Variants in TMC2 observed in about 807,000 individuals in gnomAD.
The protein encoded by TMC2 is transmembrane channel like 2.
Under a neutral mutation model 105.9 loss-of-function variants are expected in TMC2, and 102 were observed. That is an observed-to-expected ratio of 0.96 (90% CI 0.82 to 1.14). The LOEUF is 1.14. TMC2 is among the 50% of genes most tolerant of loss of function. TMC2 has a pLI of 0.00. For missense variants in TMC2, 1,093 were observed against 1,134.3 expected (o/e 0.96, Z 0.52); for synonymous variants, 402 against 422.8 (o/e 0.95, Z 0.60).
At chr20:2,537,939 G>A (rs769654196) in intron 2 of TMC2, among the ~76,000 whole-genome samples, 5 of 152,142 alleles carry the variant, frequency 3.3e-5, no homozygotes, top group East Asian at 1.9e-4. Context: ...CCCCCTTCAC[G>A]TCCCAGGCAG....
chr20:2,574,702 T>G (rs923220093), intron 5 of TMC2, among the ~76,000 whole-genome samples: 2 of 152,148 alleles, frequency 1.3e-5, no homozygotes, highest in Admixed American at 6.5e-5. Flanking sequence ...TGTAATTACT[T>G]TTTATATCTG....
At chr20:2,588,649 CCTT>C (rs1204617638) in intron 7 of TMC2, among the ~76,000 whole-genome samples, 1 of 149,584 alleles carries the variant, frequency 6.7e-6, no homozygotes, top group African/African-American at 2.5e-5. Context: ...TCTTCTCTCT[CCTT>C]CTGGGACTAC....
At chr20:2,538,394 TGAA>T (rs1410200906) in intron 2 of TMC2, among the ~76,000 whole-genome samples, 1 of 152,146 alleles carries the variant, frequency 6.6e-6, no homozygotes, top group African/African-American at 2.4e-5. Context: ...AATCCAAAGA[TGAA>T]GGAGCAAATG....
At position 2,543,046 on chromosome 20, in the gene TMC2, G is replaced by A. The variant is rs191493526; in HGVS notation, c.82+5730G>A. Among the ~76,000 whole-genome samples, 172 of 152,072 alleles carry A rather than the reference G, an allele frequency of 1.1e-3. 1 individual carries two copies. Among genetic ancestry groups the A allele is most frequent in the Middle Eastern group, 6.8e-3 (2 of 294 alleles). On this transcript the variant is annotated intron_variant, in intron 2 of 19. Transcript: ENST00000358864. ...GAGGTCAGGAGTTTGAGACCAGCCT[G>A]GCCAACATGGTGAAACCCTGTCTCT...
intron 4 of TMC2, among the ~76,000 whole-genome samples, chr20:2,570,675 T>G (rs974913980): frequency 5.9e-5 from 9 of 152,084 alleles, no homozygotes; most frequent in Admixed American, 1.3e-4. Flanking sequence ...GAACCAAAAA[T>G]GAGCCCAAAC....
At chr20:2,557,633 C>A (rs906553609) in intron 2 of TMC2, among the ~76,000 whole-genome samples, 1 of 152,174 alleles carries the variant, frequency 6.6e-6, no homozygotes, top group African/African-American at 2.4e-5. Flanking sequence ...CGGGTTCAAG[C>A]GATTCTCTTG....
chr20:2,637,965 G>GT lies in TMC2; in HGVS notation c.2503+375dup, dbSNP rs547602963. 7.2e-4 allele frequency among the ~76,000 whole-genome samples: 110 copies of GT among 152,304 alleles called. 1 individual carries two copies. The Middle Eastern group carries it at 0.017, about 24-fold the overall frequency. On this transcript the variant is annotated intron_variant, in intron 19 of 19. Transcript: ENST00000358864. ...TGAATAATTCCTATTGCCAAGTGAC[G>GT]TAACTGTCAACATTGTAGCAAAACA...
intron 7 of TMC2, among the ~76,000 whole-genome samples, chr20:2,580,811 A>T (rs904621075): frequency 2.0e-5 from 3 of 152,220 alleles, no homozygotes; most frequent in Admixed American, 6.5e-5. Context: ...TTGAGAAACA[A>T]AAAAGGGGTA....
chr20:2,550,630 A>G (rs765613737), intron 2 of TMC2, among the ~76,000 whole-genome samples: 3 of 152,124 alleles, frequency 2.0e-5, no homozygotes, highest in Non-Finnish European at 4.4e-5. Flanking sequence ...TGGCCCACCT[A>G]TTCAACCCTC....
chr20:2,607,791 C>A (rs1352271331), intron 11 of TMC2, among the ~76,000 whole-genome samples: 2 of 152,086 alleles, frequency 1.3e-5, no homozygotes, highest in African/African-American at 4.8e-5. Flanking sequence ...TATTTAATTG[C>A]TTTATCCAGT....
chr20:2,617,191 A>G lies in TMC2; in HGVS notation c.2060A>G (p.Lys687Arg). ...SSNVPHERVF[K>R]ASRSNNFYMG... Reference sequence around the variant, plus strand: ...AACGTACCCCATGAACGCGTGTTCAAAGCCTCCCGATCCAACAACTTCTAC... The same window carrying G: ...AACGTACCCCATGAACGCGTGTTCAGAGCCTCCCGATCCAACAACTTCTAC... The change falls in exon 16 of 20, where the codon AAA (lysine) becomes AGA (arginine). Residue 687 changes from lysine (K) to arginine (R), a missense_variant. Physicochemically the swap from Lys to Arg is conservative, Grantham distance 26. Transcript: ENST00000358864. 6.2e-7 allele frequency: 1 copy of G among 1,614,170 alleles called. No individual in the cohort carries two copies. Among genetic ancestry groups the G allele is most frequent in the Non-Finnish European group, 8.5e-7 (1 of 1,180,028 alleles).
intron 4 of TMC2, among the ~76,000 whole-genome samples, chr20:2,565,637 G>A (rs575528983): frequency 6.6e-6 from 1 of 152,290 alleles, no homozygotes; most frequent in African/African-American, 2.4e-5. Flanking sequence ...GTTGCAGACG[G>A]CATCCCCATA....
Position 2,592,406 on chromosome 20 carries a change from G to T in TMC2, c.931G>T (p.Glu311Ter). The change falls in exon 8 of 20, where the codon GAG becomes TAG. Residue 311 changes from glutamate (E) to a stop codon, truncating the protein, a stop_gained and splice_region_variant. Coordinates refer to ENST00000358864, the MANE Select transcript of TMC2 (RefSeq NM_080751.3). LOFTEE classifies it high-confidence loss of function. This position sits in a 1 kb window ranked among gnomAD's most constrained non-coding sequence, Gnocchi z 4.9. ...GGATTTTTCTGTCCTTTGGGATTTT[G>T]AGGTACTATTGTCAACATGCCAATG... ...AMDFSVLWDF[E>*]GYIKYSALFY... 6.2e-7 allele frequency: 1 copy of T among 1,607,144 alleles called. No homozygotes were observed. Among genetic ancestry groups the T allele is most frequent in the Non-Finnish European group, 8.5e-7 (1 of 1,173,712 alleles).
At chr20:2,615,751 A>T (rs1277488228) in intron 14 of TMC2, among the ~76,000 whole-genome samples, 1 of 152,104 alleles carries the variant, frequency 6.6e-6, no homozygotes. Flanking sequence ...GCATTTCATT[A>T]TTTATTAGAT....
chr20:2,610,348 TG>T lies in TMC2; in HGVS notation c.1414-68del, dbSNP rs918734572. ...GCAGAGAAGTGGAGATGGATGGCCA[TG>T]GGAGTGCAGAGATGGCAGCCAAACA... On this transcript the variant is annotated intron_variant, in intron 11 of 19. Transcript: ENST00000358864. The T allele has an allele frequency of 2.7e-5, 38 of 1,393,852 alleles. No homozygotes were observed. In the Admixed American group the frequency reaches 7.2e-4, roughly 26 times the overall value. The allele number at this position is 1,393,852 out of a possible 1,614,324, so 86.3% of individuals were successfully genotyped here.
chr20:2,542,349 CGT>C (rs2085895534), intron 2 of TMC2, among the ~76,000 whole-genome samples: 1 of 152,084 alleles, frequency 6.6e-6, no homozygotes, highest in Non-Finnish European at 1.5e-5. Context: ...GACTAGGAAA[CGT>C]GTGGTAAATA....
Position 2,641,263 on chromosome 20 carries a change from G to A in TMC2, c.2633G>A (p.Gly878Glu), listed in dbSNP as rs2086687019. Residue 878 changes from glycine to glutamate, a missense_variant, in exon 20 of 20, where the codon GGA (glycine) becomes GAA (glutamate). Gly to Glu is a moderately conservative substitution (Grantham distance 98). Transcript: ENST00000358864. ...SGHLPISRPP[G>E]IGPDSGHAPS... Reference sequence around the variant, plus strand: ...CACCTTCCTATATCTCGGCCCCCTGGAATCGGACCAGATTCTGGCCACGCC... The same window carrying A: ...CACCTTCCTATATCTCGGCCCCCTGAAATCGGACCAGATTCTGGCCACGCC... 1 of 1,614,116 alleles carries A rather than the reference G, an allele frequency of 6.2e-7. No homozygotes were observed. Among genetic ancestry groups the A allele is most frequent in the East Asian group, 2.2e-5 (1 of 44,872 alleles).
Position 2,642,020 on chromosome 20 carries a change from G to A in TMC2, c.*669G>A, listed in dbSNP as rs1426988528. 6.6e-6 allele frequency among the ~76,000 whole-genome samples: 1 copy of A among 152,166 alleles called. No individual in the cohort carries two copies. The highest frequency in any genetic ancestry group is 1.5e-5 in the Non-Finnish European group (1 of 68,040). ...GGATCACTTGAGCCCAGGAGGCAGA[G>A]GTTGCAGTTAGCTAAGATCACGTCA... On this transcript the variant is annotated 3_prime_UTR_variant, in exon 20 of 20. Transcript: ENST00000358864.
Position 2,617,116 on chromosome 20 carries a change from T to G in TMC2, c.1985T>G (p.Leu662Arg), listed in dbSNP as rs1468337730. The stretch of plus-strand genomic sequence containing the variant: ...CCAGGCCTGGTGGGCATTAATGTGC[T>G]GCGCCTGCTGACCTCCATGTACTTC... ...YAPGLVGINV[L>R]RLLTSMYFQC... The change falls in exon 16 of 20, where the codon CTG (leucine) becomes CGG (arginine). Residue 662 changes from leucine to arginine, a missense_variant. By Grantham distance (102) the Leu-to-Arg change is moderately radical. Transcript: ENST00000358864. 5 of 1,614,130 alleles carry G rather than the reference T, an allele frequency of 3.1e-6. No homozygotes were observed. The highest frequency in any genetic ancestry group is 4.2e-6 in the Non-Finnish European group (5 of 1,180,042).
Sources: allele counts gnomAD v4.1 joint callset (sites outside exome capture counted in the v4.1 genomes callset), GRCh38; gene constraint gnomAD v4.1.1; non-coding constraint Gnocchi (gnomAD v3.1); transcripts MANE v1.5; gene names NCBI Gene and HGNC (gene_info 2026-07-23, HGNC 2026-07-21).